SLC4A7: variants seen among roughly 807,000 people sequenced by gnomAD.
SLC4A7 encodes solute carrier family 4 member 7, also known as sodium bicarbonate cotransporter 3.
SLC4A7 carries 51 observed loss-of-function variants against 137.6 expected under a neutral mutation model. That is an observed-to-expected ratio of 0.37 (90% CI 0.30 to 0.47). SLC4A7 has a LOEUF of 0.47. Among genes scored for constraint, SLC4A7 ranks in the 20% least tolerant of loss-of-function variants. SLC4A7 has a pLI of 1.00. For missense variants in SLC4A7, 1,247 were observed against 1,525.4 expected (o/e 0.82, Z 3.04); for synonymous variants, 542 against 518.6 (o/e 1.05, Z -0.61).
At position 27,448,707 on chromosome 3, in the gene SLC4A7, C is replaced by T. The variant is rs149158126; in HGVS notation, c.233G>A (p.Arg78Gln). The T allele has an allele frequency of 1.4e-5, 23 of 1,612,330 alleles. No individual in the cohort carries two copies. The highest frequency in any genetic ancestry group is 1.2e-4 in the African/African-American group (9 of 74,768). Residue 78 changes from arginine (R) to glutamine (Q), a missense_variant, in exon 3 of 26, where the codon CGG (arginine) becomes CAG (glutamine). Arg to Gln is a conservative substitution (Grantham distance 43). Around this residue, in one of 6 missense-constraint regions of SLC4A7, gnomAD observed 176 missense variants for 186.4 expected, o/e 0.94. Coordinates refer to ENST00000454389, the MANE Select transcript of SLC4A7 (RefSeq NM_001321103.2). Reference protein sequence around the residue: ...HRHRGHKHHHRRRKDKESDKE... With the variant: ...HRHRGHKHHHQRRKDKESDKE... The stretch of plus-strand genomic sequence containing the variant: ...ATCTGATTCTTTATCTTTTCTTCTC[C>T]GGTGGTGATGTTTGTGTCCGCGATG...
chr3:27,473,929 T>C (rs2059360348), intron 1 of SLC4A7, among the ~76,000 whole-genome samples: 1 of 152,104 alleles, frequency 6.6e-6, no homozygotes, highest in African/African-American at 2.4e-5. Context: ...AATTATTTCA[T>C]ATTACAGAAA....
At chr3:27,387,077 C>T (rs2051036546) in intron 22 of SLC4A7, among the ~76,000 whole-genome samples, 1 of 151,910 alleles carries the variant, frequency 6.6e-6, no homozygotes. Flanking sequence ...ATTCATATGC[C>T]AATTCTATAT....
chr3:27,423,901 G>A (rs1302676898), intron 8 of SLC4A7, 136 bp downstream of exon 8: 3 of 578,094 alleles, frequency 5.2e-6, no homozygotes, highest in Non-Finnish European at 6.1e-6. Context: ...ACATATCACA[G>A]ACATCACATG....
chr3:27,470,164 G>A (rs1441417346), intron 1 of SLC4A7, among the ~76,000 whole-genome samples: 5 of 151,384 alleles, frequency 3.3e-5, no homozygotes, highest in Admixed American at 3.3e-4. Context: ...TAAACACATT[G>A]CAATATTTCA....
chr3:27,379,236 T>C lies in SLC4A7; in HGVS notation c.3698+13A>G. 1.4e-6 allele frequency: 2 copies of C among 1,410,926 alleles called. No homozygotes were observed. The highest frequency in any genetic ancestry group is 1.9e-6 in the Non-Finnish European group (2 of 1,032,810). The allele number at this position is 1,410,926 out of a possible 1,614,324, so 87.4% of individuals were successfully genotyped here. A position where few individuals can be genotyped will look rare whatever the true frequency, so the allele number is the denominator to read the frequency against. On this transcript the variant is annotated intron_variant, in intron 25 of 25. Transcript: ENST00000454389. ...TGGCTACAGTTAGAAAACACACAAA[T>C]AGTTATAACTACCTCATGTTAGATC...
chr3:27,431,240 CA>C, intron 7 of SLC4A7, 57 bp downstream of exon 7: 1 of 1,507,190 alleles, frequency 6.6e-7, no homozygotes, highest in Middle Eastern at 1.9e-4. Context: ...AAAGGCATTC[CA>C]AGTGCAAGTG....
intron 23 of SLC4A7, among the ~76,000 whole-genome samples, chr3:27,385,124 A>C (rs1441638005): frequency 6.6e-6 from 1 of 152,174 alleles, no homozygotes; most frequent in Non-Finnish European, 1.5e-5. Context: ...TCTCTATTTA[A>C]ACAGGACCAT....
At chr3:27,468,739 TA>T (rs1404846167) in intron 1 of SLC4A7, among the ~76,000 whole-genome samples, 2 of 151,808 alleles carry the variant, frequency 1.3e-5, no homozygotes, top group East Asian at 1.9e-4. Flanking sequence ...AATGATAGGC[TA>T]AAAAAAATTA....
rs762471667 is a variant in SLC4A7, at chr3:27,448,610, T to C, written c.289+41A>G. 3.3e-6 allele frequency: 5 copies of C among 1,536,866 alleles called. No homozygotes were observed. In the South Asian group the frequency reaches 3.6e-5, roughly 11 times the overall value. ...TAAAAGAAAATACTTTCCAGGAAAA[T>C]AGGAACTTTAAACTGCTAAAGAAGA... On this transcript the variant is annotated intron_variant, in intron 3 of 25. Coordinates refer to ENST00000454389, the MANE Select transcript of SLC4A7 (RefSeq NM_001321103.2).
At position 27,379,345 on chromosome 3, in the gene SLC4A7, G is replaced by T; in HGVS notation, c.3602C>A (p.Ser1201Ter). Reference sequence around the variant, plus strand: ...CATTTCATCTGATATGTTAACAATTGAGGGATCAACACTGAAGAACAAATA... The same window carrying T: ...CATTTCATCTGATATGTTAACAATTTAGGGATCAACACTGAAGAACAAATA... ...VKALKYSVDPSIVNISDEMAK... is the reference protein window; with the variant it reads ...VKALKYSVDP Residue 1201 changes from serine to a stop codon, truncating the protein, a stop_gained, in exon 25 of 26, where the codon TCA becomes TAA. Transcript: ENST00000454389. LOFTEE classifies it high-confidence loss of function. The T allele has an allele frequency of 6.6e-7, 1 of 1,525,834 alleles. No homozygotes were observed. The allele number at this position is 1,525,834 out of a possible 1,614,324, so 94.5% of individuals were successfully genotyped here. A position where few individuals can be genotyped will look rare whatever the true frequency, so the allele number is the denominator to read the frequency against.
At position 27,374,029 on chromosome 3, in the gene SLC4A7, T is replaced by C. The variant is rs1225137230; in HGVS notation, c.*2735A>G. ...CGGCATATTTAATATCATTAAAGAA[T>C]ATATAGAATCATCCTTTTATCATAA... On this transcript the variant is annotated 3_prime_UTR_variant, in exon 26 of 26. Transcript: ENST00000454389. 6.6e-6 allele frequency: 1 copy of C among 152,566 alleles called. No individual in the cohort carries two copies. Among genetic ancestry groups the C allele is most frequent in the Non-Finnish European group, 1.5e-5 (1 of 67,948 alleles). The allele number at this position is 152,566 out of a possible 1,614,324, so 9.5% of individuals were successfully genotyped here. A position where few individuals can be genotyped will look rare whatever the true frequency, so the allele number is the denominator to read the frequency against.
chr3:27,388,195 A>G (rs1331822845), intron 22 of SLC4A7, among the ~76,000 whole-genome samples: 1 of 152,198 alleles, frequency 6.6e-6, no homozygotes, highest in Non-Finnish European at 1.5e-5. Context: ...CTTTGAAGCC[A>G]AAGTATCATT....
chr3:27,383,580 T>TCA (rs2050649749), intron 23 of SLC4A7, among the ~76,000 whole-genome samples: 1 of 152,212 alleles, frequency 6.6e-6, no homozygotes, highest in Non-Finnish European at 1.5e-5. Context: ...TGAAACCTTA[T>TCA]CACAATACAA....
In SLC4A7 at chr3:27,437,371, A is replaced by C; in HGVS notation, c.428+17T>G. On this transcript the variant is annotated intron_variant, in intron 4 of 25. Coordinates refer to ENST00000454389, the MANE Select transcript of SLC4A7 (RefSeq NM_001321103.2). ...CATCTCAAAAAAAAAAAAGAGAGAG[A>C]GACTTAGCAGTATTACCTAGCAGTT... 15 of 1,512,984 alleles carry C rather than the reference A, an allele frequency of 9.9e-6. No homozygotes were observed. The highest frequency in any genetic ancestry group is 1.3e-5 in the Non-Finnish European group (15 of 1,131,564). 93.7% of individuals were successfully genotyped at this position (1,512,984 alleles called of 1,614,324 possible).
At chr3:27,449,951 A>G (rs567914864) in intron 2 of SLC4A7, among the ~76,000 whole-genome samples, 3 of 152,304 alleles carry the variant, frequency 2.0e-5, no homozygotes, top group Middle Eastern at 3.4e-3. Flanking sequence ...ATGGGATTCC[A>G]TATTTGCGAA....
intron 1 of SLC4A7, among the ~76,000 whole-genome samples, chr3:27,455,535 A>G (rs1374915195): frequency 1.3e-5 from 2 of 151,916 alleles, no homozygotes; most frequent in Admixed American, 6.6e-5. Flanking sequence ...TCAGTTTTCA[A>G]TGAGAGTGTT....
chr3:27,477,496 CTGTT>C (rs1323918972), intron 1 of SLC4A7, among the ~76,000 whole-genome samples: 2 of 152,212 alleles, frequency 1.3e-5, no homozygotes, highest in African/African-American at 4.8e-5. Context: ...CCCTTCTCTT[CTGTT>C]TCTCATTAGG....
At chr3:27,421,500 A>G in intron 9 of SLC4A7, 122 bp downstream of exon 9, 1 of 839,446 alleles carries the variant, frequency 1.2e-6, no homozygotes, top group African/African-American at 1.7e-5. Flanking sequence ...TCTCAAAAAT[A>G]AGATAAAATT....
chr3:27,406,125 G>A (rs561560875), intron 13 of SLC4A7, among the ~76,000 whole-genome samples: 6 of 152,328 alleles, frequency 3.9e-5, no homozygotes, highest in Non-Finnish European at 7.4e-5. Context: ...CAGGCAAAGA[G>A]GAGGGCTTCC....
Sources: allele counts gnomAD v4.1 joint callset (sites outside exome capture counted in the v4.1 genomes callset), GRCh38; gene constraint gnomAD v4.1.1; regional missense constraint gnomAD v4.1.1; transcripts MANE v1.5; gene names NCBI Gene and HGNC (gene_info 2026-07-23, HGNC 2026-07-21).